Variants in MINDY2 observed in about 807,000 individuals in gnomAD.
MINDY2 encodes ubiquitin carboxyl-terminal hydrolase MINDY-2.
In MINDY2, 52 loss-of-function variants were observed where a neutral mutation model predicts 68.2. The observed-to-expected ratio is 0.76, with a 90% CI of 0.61 to 0.96. MINDY2 has a LOEUF of 0.96. Ranked by LOEUF, MINDY2 falls within the 40% of genes least tolerant of loss-of-function variation. The probability of loss-of-function intolerance (pLI) is 0.00; values close to 1 mark genes in which losing one functional copy is unlikely to be tolerated. For synonymous variants in MINDY2, 372 were observed against 303.0 expected, an observed-to-expected ratio of 1.23 and a Z score of -2.36; for missense variants, 881 against 773.4, an observed-to-expected ratio of 1.14 and a Z score of -1.65.
At chr15:58,782,596 A>T (rs1194119346) in intron 1 of MINDY2, among the ~76,000 whole-genome samples, 1 of 152,016 alleles carries the variant, frequency 6.6e-6, no homozygotes, top group Non-Finnish European at 1.5e-5. Flanking sequence ...TTCACTTTTC[A>T]CTGGTCACAA....
Position 58,854,636 on chromosome 15 carries a change from C to T in MINDY2, c.*26C>T. On this transcript the variant is annotated 3_prime_UTR_variant, in exon 9 of 9. Transcript: ENST00000559228. ...CAAGTGTTGGCTTCTGTTGGAACCA[C>T]CTATATGTCTTGAGAAACAAAACCA... 6.3e-7 allele frequency: 1 copy of T among 1,588,262 alleles called. No individual in the cohort carries two copies. Among genetic ancestry groups the T allele is most frequent in the Non-Finnish European group, 8.5e-7 (1 of 1,173,818 alleles).
At chr15:58,795,498 G>A (rs1485275495) in intron 2 of MINDY2, among the ~76,000 whole-genome samples, 3 of 152,018 alleles carry the variant, frequency 2.0e-5, no homozygotes, top group Non-Finnish European at 2.9e-5. Flanking sequence ...CTCCACCTTC[G>A]GGTTCACGCC....
At chr15:58,815,929 C>G (rs750170877) in intron 4 of MINDY2, among the ~76,000 whole-genome samples, 1 of 151,710 alleles carries the variant, frequency 6.6e-6, no homozygotes, top group Non-Finnish European at 1.5e-5. Context: ...CCGTCTGCCT[C>G]GGCCTCCCAA....
chr15:58,791,622 A>ATGTG (rs368688031), intron 2 of MINDY2, among the ~76,000 whole-genome samples: 39,610 of 136,050 alleles, frequency 0.29, 6,457 homozygotes, highest in Middle Eastern at 0.4. Flanking sequence ...GTCTCAAAAT[A>ATGTG]TGTGTGTGTG....
chr15:58,807,329 C>G (rs1903086127), intron 3 of MINDY2, among the ~76,000 whole-genome samples: 1 of 147,412 alleles, frequency 6.8e-6, no homozygotes, highest in Non-Finnish European at 1.5e-5. Context: ...TGTTAACGTG[C>G]TTAGAAAAGC....
intron 2 of MINDY2, among the ~76,000 whole-genome samples, chr15:58,789,637 T>G (rs182909907): frequency 1.3e-5 from 2 of 151,364 alleles, no homozygotes; most frequent in South Asian, 2.1e-4. Context: ...TTTGGGTTTT[T>G]GGTTTGTTTT....
intron 8 of MINDY2, 35 bp from the exon 9 acceptor site, chr15:58,854,443 ATAGT>A (rs773492031): frequency 4.4e-6 from 7 of 1,593,258 alleles, no homozygotes; most frequent in Non-Finnish European, 6.0e-6. Flanking sequence ...GTCCCTCAGA[ATAGT>A]TAGAGTAATT....
chr15:58,843,214 A>G (rs112299611), intron 6 of MINDY2, among the ~76,000 whole-genome samples: 2,646 of 152,250 alleles, frequency 0.017, 51 homozygotes, highest in African/African-American at 0.05. Flanking sequence ...CAGTGGCACA[A>G]TCTTGGCTCA....
At chr15:58,779,054 G>A (rs1442578181) in intron 1 of MINDY2, among the ~76,000 whole-genome samples, 6 of 144,424 alleles carry the variant, frequency 4.2e-5, no homozygotes, top group Non-Finnish European at 7.5e-5. Flanking sequence ...GAGCCACTGT[G>A]CCCAACCATT....
rs1449702215 is a variant in MINDY2 at position 58,771,663 on chromosome 15, A to G, written c.268A>G (p.Ser90Gly). Residue 90 changes from serine (S) to glycine (G), a missense_variant, in exon 1 of 9, where the codon AGT becomes GGT. Ser to Gly is a moderately conservative substitution (Grantham distance 56). Transcript: ENST00000559228. The part of the protein sequence containing the change: ...SSSAGLDLKD[S>G]GLESPAAAEA... ...CTCCGCGGGTTTGGACTTGAAGGAC[A>G]GTGGTTTGGAGAGTCCTGCTGCCGC... 13 of 1,612,486 alleles carry G rather than the reference A, an allele frequency of 8.1e-6. No individual in the cohort carries two copies. The highest frequency in any genetic ancestry group is 1.1e-5 in the Non-Finnish European group (13 of 1,179,878).
intron 6 of MINDY2, among the ~76,000 whole-genome samples, chr15:58,835,631 C>T (rs969266480): frequency 3.3e-5 from 5 of 151,824 alleles, no homozygotes; most frequent in South Asian, 2.1e-4. Flanking sequence ...CCAGCCTAAG[C>T]GACAAGAGCG....
chr15:58,802,463 A>G (rs1272073716), intron 3 of MINDY2, 86 bp downstream of exon 3: 6 of 828,844 alleles, frequency 7.2e-6, no homozygotes, highest in African/African-American at 3.5e-5. Flanking sequence ...GCATTTTTCT[A>G]TAAAGGATTA....
intron 1 of MINDY2, among the ~76,000 whole-genome samples, chr15:58,778,806 T>C (rs1181697658): frequency 1.5e-5 from 2 of 131,606 alleles, no homozygotes; most frequent in African/African-American, 6.4e-5. Context: ...TTTTTTCTTT[T>C]TTTCTTTTTT....
At chr15:58,846,646 C>G (rs2032552763) in intron 6 of MINDY2, among the ~76,000 whole-genome samples, 1 of 148,960 alleles carries the variant, frequency 6.7e-6, no homozygotes, top group South Asian at 2.1e-4. Context: ...CATACACGTA[C>G]TATGTATCCA....
At position 58,771,904 on chromosome 15, in the gene MINDY2, C is replaced by A; in HGVS notation, c.509C>A (p.Ser170Tyr). The change falls in exon 1 of 9, where the codon TCT becomes TAT. Residue 170 changes from serine to tyrosine, a missense_variant. Coordinates refer to ENST00000559228, the MANE Select transcript of MINDY2 (RefSeq NM_001040450.3). Reference sequence around the variant, plus strand: ...AGCGACCCGAGCCCTCCTGGGGAATCTCCGAGCCTGGACTCTCTGGAGTCG... The same window carrying A: ...AGCGACCCGAGCCCTCCTGGGGAATATCCGAGCCTGGACTCTCTGGAGTCG... ...SCSDPSPPGE[S>Y]PSLDSLESFS... 1 of 1,561,146 alleles carries A rather than the reference C, an allele frequency of 6.4e-7. No individual in the cohort carries two copies. The highest frequency in any genetic ancestry group is 8.7e-7 in the Non-Finnish European group (1 of 1,155,602).
chr15:58,859,183 TATAGAGTC>T lies in MINDY2; in HGVS notation c.*4575_*4582del, dbSNP rs1285577315. 38 of 152,144 alleles carry T rather than the reference TATAGAGTC, an allele frequency of 2.5e-4. No individual in the cohort carries two copies. Among genetic ancestry groups the T allele is most frequent in the Admixed American group, 2.5e-3 (38 of 15,276 alleles). The allele number at this position is 152,144 out of a possible 1,614,324, so 9.4% of individuals were successfully genotyped here. A position where few individuals can be genotyped will look rare whatever the true frequency, so the allele number is the denominator to read the frequency against. On this transcript the variant is annotated 3_prime_UTR_variant, in exon 9 of 9. Coordinates refer to ENST00000559228, the MANE Select transcript of MINDY2 (RefSeq NM_001040450.3). ...ACAGTTTTTTGTGTGTTCTATAGACTATAGAGTCAAAATCAAGAGTATTTTGAGAGGAT... is the reference window on the plus strand; with the variant it reads ...ACAGTTTTTTGTGTGTTCTATAGACTAAAATCAAGAGTATTTTGAGAGGAT...
intron 4 of MINDY2, among the ~76,000 whole-genome samples, chr15:58,813,952 A>G (rs199530409): frequency 1.1e-5 from 1 of 90,800 alleles, no homozygotes; most frequent in Non-Finnish European, 2.2e-5. Context: ...TTTTTTTTTA[A>G]TTTGAGATGG....
intron 1 of MINDY2, among the ~76,000 whole-genome samples, chr15:58,776,185 G>A (rs771867371): frequency 7.2e-5 from 11 of 152,154 alleles, no homozygotes; most frequent in Non-Finnish European, 1.6e-4. Flanking sequence ...ACTACATAGA[G>A]TAAATATGAG....
At chr15:58,772,800 C>T (rs564873423) in intron 1 of MINDY2, among the ~76,000 whole-genome samples, 46 of 152,274 alleles carry the variant, frequency 3.0e-4, no homozygotes, top group Admixed American at 2.0e-3. Context: ...TCTTGGTTTT[C>T]AAAGATTGTT....
Sources: allele counts gnomAD v4.1 joint callset (sites outside exome capture counted in the v4.1 genomes callset), GRCh38; gene constraint gnomAD v4.1.1; transcripts MANE v1.5; gene names NCBI Gene and HGNC (gene_info 2026-07-23, HGNC 2026-07-21).